HLTF: variants seen among roughly 807,000 people sequenced by gnomAD.
HLTF encodes DNA-dependent ATPase/E3 ubiquitin-protein ligase HLTF.
Under a neutral mutation model 129.4 loss-of-function variants are expected in HLTF, and 127 were observed. The ratio of observed to expected loss-of-function variants is 0.98; its 90% CI spans 0.85 to 1.14. The LOEUF is 1.14. HLTF is among the 50% of genes most tolerant of loss of function. HLTF has a pLI of 0.00. For missense variants in HLTF, 1,139 were observed against 1,187.1 expected (o/e 0.96, Z 0.60); for synonymous variants, 332 against 388.8 (o/e 0.85, Z 1.72).
At chr3:149,064,683 A>AACT (rs1718207724) in intron 9 of HLTF, 108 bp downstream of exon 9, 1 of 748,080 alleles carries the variant, frequency 1.3e-6, no homozygotes, top group African/African-American at 1.7e-5. Context: ...ACAAAGCCAA[A>AACT]ACTAGAATTA....
rs1719309914 is a variant in HLTF, at chr3:149,075,926, C to A, written c.350G>T (p.Gly117Val). ...GTTGTCCATGATATAGGCCAAAGCACCTGCAAGCTCTTTCTTTAAATGGCC... is the reference window on the plus strand; with the variant it reads ...GTTGTCCATGATATAGGCCAAAGCAACTGCAAGCTCTTTCTTTAAATGGCC... Reference protein sequence around the residue: ...QVGHLKKELAGALAYIMDNKL... With the variant: ...QVGHLKKELAVALAYIMDNKL... Residue 117 changes from glycine (G) to valine (V), a missense_variant, in exon 3 of 25, where the codon GGT (glycine) becomes GTT (valine). Physicochemically the swap from Gly to Val is moderately radical, Grantham distance 109. Transcript: ENST00000310053. 1 of 1,608,376 alleles carries A rather than the reference C, an allele frequency of 6.2e-7. No homozygotes were observed. Among genetic ancestry groups the A allele is most frequent in the African/African-American group, 1.3e-5 (1 of 74,774 alleles).
chr3:149,049,260 C>G (rs1716796049), intron 15 of HLTF, among the ~76,000 whole-genome samples: 1 of 152,156 alleles, frequency 6.6e-6, no homozygotes, highest in South Asian at 2.1e-4. Context: ...GGTGGCAGAA[C>G]TAGCATTCAA....
At chr3:149,058,847 G>A (rs889293794) in intron 13 of HLTF, among the ~76,000 whole-genome samples, 10 of 152,216 alleles carry the variant, frequency 6.6e-5, no homozygotes, top group Non-Finnish European at 1.3e-4. Context: ...TCACAGCTAT[G>A]CATCTGCAAC....
rs1559855896 is a variant in HLTF, at chr3:149,040,038, C to CTGGA, written c.2491_2494dup (p.Ser832IlefsTer6). 1 of 1,609,626 alleles carries CTGGA rather than the reference C, an allele frequency of 6.2e-7. No homozygotes were observed. The highest frequency in any genetic ancestry group is 2.2e-5 in the East Asian group (1 of 44,752). ...TGCACATGAGTACTTTACCTTTGAA[C>CTGGA]TGGATGTCCATTCCATATCAGACTT... On this transcript the variant is annotated frameshift_variant, in exon 21 of 25. Coordinates refer to ENST00000310053, the MANE Select transcript of HLTF (RefSeq NM_003071.4). LOFTEE classifies it high-confidence loss of function.
intron 15 of HLTF, among the ~76,000 whole-genome samples, chr3:149,049,851 G>C (rs1211707157): frequency 6.6e-6 from 1 of 152,118 alleles, no homozygotes; most frequent in Admixed American, 6.5e-5. Context: ...AATTAGCTGA[G>C]TGTGGTGATG....
chr3:149,039,140 GCTT>G lies in HLTF; in HGVS notation c.2702_2704del (p.Glu901del). The G allele has an allele frequency of 6.2e-7, 1 of 1,612,046 alleles. No individual in the cohort carries two copies. Among genetic ancestry groups the G allele is most frequent in the Non-Finnish European group, 8.5e-7 (1 of 1,178,972 alleles). On this transcript the variant is annotated inframe_deletion, in exon 23 of 25. Coordinates refer to ENST00000310053, the MANE Select transcript of HLTF (RefSeq NM_003071.4). ...CAGAAGCATTATAGTTGGAGATCCTGCTTCAGTGTTTTGAAAACACTGAATTGA... is the reference window on the plus strand; with the variant it reads ...CAGAAGCATTATAGTTGGAGATCCTGCAGTGTTTTGAAAACACTGAATTGA...
chr3:149,079,373 T>TAAAAAAAAAAA (rs71135659), intron 2 of HLTF, among the ~76,000 whole-genome samples: 33 of 57,232 alleles, frequency 5.8e-4, no homozygotes, highest in South Asian at 3.1e-3. Context: ...CGACAGTTTC[T>TAAAAAAAAAAA]AAAAAAAAAA....
chr3:149,076,859 A>T (rs1035200921), intron 2 of HLTF, among the ~76,000 whole-genome samples: 1 of 152,226 alleles, frequency 6.6e-6, no homozygotes, highest in Admixed American at 6.5e-5. Flanking sequence ...GAACTAAATC[A>T]AAGGCTTGCA....
At chr3:149,044,847 ATT>A (rs1179281375) in intron 18 of HLTF, among the ~76,000 whole-genome samples, 1 of 151,914 alleles carries the variant, frequency 6.6e-6, no homozygotes, top group South Asian at 2.1e-4. Flanking sequence ...GAATCTAATC[ATT>A]TCTCACTCCC....
chr3:149,040,349 G>A lies in HLTF; in HGVS notation c.2377-193C>T, dbSNP rs1335370284. The stretch of plus-strand genomic sequence containing the variant: ...CCAGACATAATGTGGTAAGTAGAAC[G>A]GATAAAGGAGGGAGCAAAAGTATGT... On this transcript the variant is annotated intron_variant, in intron 20 of 24. Transcript: ENST00000310053. 5 of 483,572 alleles carry A rather than the reference G, an allele frequency of 1.0e-5. No individual in the cohort carries two copies. In the East Asian group the frequency reaches 2.0e-4, roughly 19 times the overall value. The allele number at this position is 483,572 out of a possible 1,614,324, so 30.0% of individuals were successfully genotyped here.
At chr3:149,085,496 T>A (rs978352175) in intron 1 of HLTF, among the ~76,000 whole-genome samples, 7 of 152,128 alleles carry the variant, frequency 4.6e-5, no homozygotes, top group African/African-American at 1.7e-4. Context: ...GTCAAAAAAA[T>A]AATTTAAAAA....
intron 4 of HLTF, 85 bp from the exon 5 acceptor site, chr3:149,073,407 A>G (rs1393722530): frequency 2.1e-6 from 2 of 943,704 alleles, no homozygotes; most frequent in East Asian, 5.2e-5. Flanking sequence ...AATATGCATT[A>G]ACAGGGCTGG....
At chr3:149,059,680 A>C in intron 13 of HLTF, 38 bp downstream of exon 13, 1 of 1,345,752 alleles carries the variant, frequency 7.4e-7, no homozygotes, top group Non-Finnish European at 1.0e-6. Flanking sequence ...AAAAACAGAA[A>C]AAAAACCAAA....
At chr3:149,039,354 A>G in intron 22 of HLTF, 125 bp from the exon 23 acceptor site, 1 of 751,370 alleles carries the variant, frequency 1.3e-6, no homozygotes, top group Non-Finnish European at 2.0e-6. Flanking sequence ...TGTTTATTGA[A>G]CACTTATTAA....
chr3:149,082,274 C>T (rs1438315287), intron 2 of HLTF, among the ~76,000 whole-genome samples: 1 of 152,034 alleles, frequency 6.6e-6, no homozygotes, highest in African/African-American at 2.4e-5. Flanking sequence ...CTGGCTAACA[C>T]GGTGAAACCC....
chr3:149,032,976 AAC>A (rs201932854), intron 24 of HLTF, among the ~76,000 whole-genome samples: 44,172 of 141,796 alleles, frequency 0.31, 6,687 homozygotes, highest in African/African-American at 0.38. Context: ...AAAAAAAAAA[AAC>A]AAAAAACTAT....
intron 12 of HLTF, 57 bp from the exon 13 acceptor site, chr3:149,059,864 A>G (rs1265813280): frequency 9.9e-7 from 1 of 1,009,894 alleles, no homozygotes; most frequent in Non-Finnish European, 1.5e-6. Context: ...GTGCTAGAGT[A>G]CAGGTACTTT....
chr3:149,058,256 T>A (rs1006557566), intron 13 of HLTF, among the ~76,000 whole-genome samples: 4 of 152,110 alleles, frequency 2.6e-5, no homozygotes, highest in African/African-American at 9.7e-5. Context: ...TATTTTTTTG[T>A]AGAAACAGGA....
At chr3:149,035,055 A>G (rs2107945638) in intron 23 of HLTF, 57 bp from the exon 24 acceptor site, 1 of 1,274,556 alleles carries the variant, frequency 7.8e-7, no homozygotes, top group East Asian at 2.3e-5. Context: ...AGTGTTTTGC[A>G]TTTGTCCTTT....
Sources: allele counts gnomAD v4.1 joint callset (sites outside exome capture counted in the v4.1 genomes callset), GRCh38; gene constraint gnomAD v4.1.1; transcripts MANE v1.5; gene names NCBI Gene and HGNC (gene_info 2026-07-23, HGNC 2026-07-21).